GABRA4: variants seen among roughly 807,000 people sequenced by gnomAD.
GABRA4 encodes the protein gamma-aminobutyric acid receptor subunit alpha-4.
GABRA4 carries 12 observed loss-of-function variants against 49.7 expected under a neutral mutation model. The observed-to-expected ratio is 0.24, with a 90% confidence interval of 0.15 to 0.39. The LOEUF is 0.39. GABRA4 is among the 10% of genes least tolerant of loss of function. The pLI is 1.00. For missense variants in GABRA4, 506 were observed against 686.0 expected, an observed-to-expected ratio of 0.74 and a Z score of 2.93; for synonymous variants, 288 against 240.2, an observed-to-expected ratio of 1.20 and a Z score of -1.84.
intron 8 of GABRA4, among the ~76,000 whole-genome samples, chr4:46,947,917 T>A (rs893842057): frequency 6.6e-6 from 1 of 151,898 alleles, no homozygotes; most frequent in Non-Finnish European, 1.5e-5. Context: ...TCTCATGTGG[T>A]TTCAATCAGA....
chr4:46,948,868 C>T (rs142870301), intron 8 of GABRA4, among the ~76,000 whole-genome samples: 1 of 152,198 alleles, frequency 6.6e-6, no homozygotes, highest in East Asian at 1.9e-4. Context: ...TTTCACCTCT[C>T]ACCTTCATAT....
intron 8 of GABRA4, among the ~76,000 whole-genome samples, chr4:46,953,868 G>A (rs1047195844): frequency 6.6e-6 from 1 of 152,038 alleles, no homozygotes; most frequent in African/African-American, 2.4e-5. Context: ...GTTCAGCAGT[G>A]GTTGTGATGG....
intron 8 of GABRA4, among the ~76,000 whole-genome samples, chr4:46,937,318 T>C (rs1721636439): frequency 6.6e-6 from 1 of 152,194 alleles, no homozygotes; most frequent in Admixed American, 6.6e-5. Flanking sequence ...TAAATTTCTA[T>C]TGTTTAAGCT....
chr4:46,993,181 C>G (rs1188299427), intron 1 of GABRA4, among the ~76,000 whole-genome samples, 158 bp downstream of exon 1: 1 of 152,200 alleles, frequency 6.6e-6, no homozygotes, highest in Admixed American at 6.5e-5. Context: ...CTCTCCGCAT[C>G]TATGCGGTCA....
rs919605757 is a variant in GABRA4, at chr4:46,993,542, C to T, written c.-118G>A. On this transcript the variant is annotated 5_prime_UTR_variant, in exon 1 of 9. The change creates a new upstream start codon in the 5' untranslated region. Transcript: ENST00000264318. ...CGGCGTGCGCACACTCGCGCTCACA[C>T]TCGCCCGCGCTCAGCCAGCCCGAGC... 2.1e-5 allele frequency: 22 copies of T among 1,072,012 alleles called. No homozygotes were observed. The African/African-American group carries it at 2.3e-4, about 11-fold the overall frequency. The allele number at this position is 1,072,012 out of a possible 1,614,324, so 66.4% of individuals were successfully genotyped here.
At chr4:46,966,092 A>T (rs1722742464) in intron 7 of GABRA4, among the ~76,000 whole-genome samples, 3 of 151,778 alleles carry the variant, frequency 2.0e-5, no homozygotes, top group Admixed American at 2.0e-4. Context: ...TGCCACTGGT[A>T]CTATAGAGTA....
At position 46,927,617 on chromosome 4, in the gene GABRA4, GT is replaced by G; in HGVS notation, c.*607del. 1 of 152,654 alleles carries G rather than the reference GT, an allele frequency of 6.6e-6. No individual in the cohort carries two copies. The highest frequency in any genetic ancestry group is 2.1e-4 in the South Asian group (1 of 4,820). The allele number at this position is 152,654 out of a possible 1,614,324, so 9.5% of individuals were successfully genotyped here. The stretch of plus-strand genomic sequence containing the variant: ...CAGAGAACAAAATTTCAAGTCAACT[GT>G]TAAGTACTGTTTAGCCAACATAAGA... On this transcript the variant is annotated 3_prime_UTR_variant, in exon 9 of 9. Transcript: ENST00000264318.
intron 2 of GABRA4, among the ~76,000 whole-genome samples, chr4:46,991,440 A>ATT (rs899924737): frequency 6.6e-5 from 10 of 152,146 alleles, no homozygotes; most frequent in Non-Finnish European, 1.5e-4. Flanking sequence ...TAAACTTGAC[A>ATT]TTTCAAGTGA....
Position 46,938,711 on chromosome 4 carries a change from T to C in GABRA4, c.1135-9956A>G, listed in dbSNP as rs548051717. ...TAGATCTATTTTTAGTGAAAAATAG[T>C]TCAAGTTCCATGTTTCATCTCTTGT... is the stretch of plus-strand genomic sequence containing the variant. On this transcript the variant is annotated intron_variant, in intron 8 of 8. Coordinates refer to ENST00000264318, the MANE Select transcript of GABRA4 (RefSeq NM_000809.4). Among the ~76,000 whole-genome samples the C allele has an allele frequency of 2.0e-5, 3 of 152,178 alleles. No individual in the cohort carries two copies. The South Asian group carries it at 6.2e-4, about 32-fold the overall frequency.
At chr4:46,971,337 GA>G in intron 6 of GABRA4, 102 bp from the exon 7 acceptor site, 1 of 1,077,684 alleles carries the variant, frequency 9.3e-7, no homozygotes, top group Non-Finnish European at 1.4e-6. Context: ...TCTAAGGAAA[GA>G]AATTCTCTTT....
At chr4:46,968,836 A>C (rs925321707) in intron 7 of GABRA4, among the ~76,000 whole-genome samples, 1 of 151,612 alleles carries the variant, frequency 6.6e-6, no homozygotes, top group Admixed American at 6.6e-5. Context: ...GTAATCAATC[A>C]AGAAATAAAT....
chr4:46,987,129 C>T (rs1258015937), intron 2 of GABRA4, among the ~76,000 whole-genome samples: 7 of 152,102 alleles, frequency 4.6e-5, no homozygotes, highest in African/African-American at 1.2e-4. Flanking sequence ...AAGCACAGTC[C>T]TAATCAGCCT....
rs547907577 is a variant in GABRA4, at chr4:46,919,085, G to A, written c.*9140C>T. On this transcript the variant is annotated 3_prime_UTR_variant, in exon 9 of 9. Transcript: ENST00000264318. ...CTATTTTAAAGACTCATTTTCCAGT[G>A]AGAAATTGAGACCTGAATAATTCTA... 1.1e-3 allele frequency: 165 copies of A among 151,500 alleles called. 2 individuals carry two copies. The highest frequency in any genetic ancestry group is 3.8e-3 in the African/African-American group (156 of 41,470). 9.4% of individuals were successfully genotyped at this position (151,500 alleles called of 1,614,324 possible). A position where few individuals can be genotyped will look rare whatever the true frequency, so the allele number is the denominator to read the frequency against.
chr4:46,948,801 T>G (rs1459825563), intron 8 of GABRA4, among the ~76,000 whole-genome samples: 1 of 152,042 alleles, frequency 6.6e-6, no homozygotes, highest in Non-Finnish European at 1.5e-5. Flanking sequence ...ATGGAAGCAC[T>G]TAGGTAATGC....
intron 2 of GABRA4, among the ~76,000 whole-genome samples, chr4:46,981,247 A>G (rs1321808091): frequency 2.0e-5 from 3 of 152,144 alleles, no homozygotes; most frequent in African/African-American, 7.2e-5. Flanking sequence ...TGAGGAGTCT[A>G]GAAGAGAAAA....
chr4:46,962,055 T>G (rs905762216), intron 8 of GABRA4, among the ~76,000 whole-genome samples: 1 of 151,906 alleles, frequency 6.6e-6, no homozygotes, highest in Non-Finnish European at 1.5e-5. Context: ...GATCTATCCC[T>G]TCAGGTCGAG....
chr4:46,926,434 A>T lies in GABRA4; in HGVS notation c.*1791T>A, dbSNP rs981633661. The T allele has an allele frequency of 6.6e-6, 1 of 151,926 alleles. No homozygotes were observed. The highest frequency in any genetic ancestry group is 6.6e-5 in the Admixed American group (1 of 15,206). The allele number at this position is 151,926 out of a possible 1,614,324, so 9.4% of individuals were successfully genotyped here. On this transcript the variant is annotated 3_prime_UTR_variant, in exon 9 of 9. Coordinates refer to ENST00000264318, the MANE Select transcript of GABRA4 (RefSeq NM_000809.4). ...TGTTGATTCTATGGAATACCTAGAAAGACAGCCAAGAATGATTTCTCAGAT... is the reference window on the plus strand; with the variant it reads ...TGTTGATTCTATGGAATACCTAGAATGACAGCCAAGAATGATTTCTCAGAT...
chr4:46,975,427 T>C (rs1723105871), intron 5 of GABRA4, among the ~76,000 whole-genome samples: 1 of 152,016 alleles, frequency 6.6e-6, no homozygotes, highest in Non-Finnish European at 1.5e-5. Context: ...ATATTGCAAA[T>C]TAAGTATCCT....
In GABRA4 at chr4:46,993,525, G is replaced by GCACACTCGCGCT. The variant is rs1336057941; in HGVS notation, c.-113_-102dup. Reference sequence around the variant, plus strand: ...GGGCAGAGAGGCTCCCGCGGCGTGCGCACACTCGCGCTCACACTCGCCCGC... The same window carrying GCACACTCGCGCT: ...GGGCAGAGAGGCTCCCGCGGCGTGCGCACACTCGCGCTCACACTCGCGCTCACACTCGCCCGC... On this transcript the variant is annotated 5_prime_UTR_variant, in exon 1 of 9. Coordinates refer to ENST00000264318, the MANE Select transcript of GABRA4 (RefSeq NM_000809.4). The GCACACTCGCGCT allele has an allele frequency of 8.1e-7, 1 of 1,237,644 alleles. No homozygotes were observed. The highest frequency in any genetic ancestry group is 1.2e-6 in the Non-Finnish European group (1 of 860,738). 76.7% of individuals were successfully genotyped at this position (1,237,644 alleles called of 1,614,324 possible).
Sources: allele counts gnomAD v4.1 joint callset (sites outside exome capture counted in the v4.1 genomes callset), GRCh38; gene constraint gnomAD v4.1.1; transcripts MANE v1.5; gene names NCBI Gene and HGNC (gene_info 2026-07-23, HGNC 2026-07-21).